Variants in TSPEAR observed in about 807,000 individuals in gnomAD.
TSPEAR encodes the protein thrombospondin-type laminin G domain and EAR repeat-containing protein.
In TSPEAR, 69 loss-of-function variants were observed where a neutral mutation model predicts 71.6. The observed-to-expected ratio is 0.96, with a 90% CI of 0.79 to 1.18. The LOEUF (loss-of-function observed/expected upper bound fraction) is 1.18, where lower values mean the gene tolerates loss of function less well. Among genes scored for constraint, TSPEAR ranks in the 50% most tolerant of loss-of-function variants. TSPEAR has a pLI of 0.00. For missense variants in TSPEAR, 971 were observed against 894.9 expected (o/e 1.09, Z -1.09); for synonymous variants, 402 against 387.2 (o/e 1.04, Z -0.45).
chr21:44,610,422 T>C (rs587636159), intron 1 of TSPEAR, among the ~76,000 whole-genome samples: 2 of 152,336 alleles, frequency 1.3e-5, no homozygotes, highest in South Asian at 2.1e-4. Flanking sequence ...CCCCAAGCCT[T>C]GGCAGCTTCC....
chr21:44,592,559 G>A, intron 1 of TSPEAR: 4 of 1,543,160 alleles, frequency 2.6e-6, no homozygotes, highest in South Asian at 1.3e-5. Flanking sequence ...TATTCCACCT[G>A]GCCTTGTTGT....
intron 9 of TSPEAR, chr21:44,516,373 C>A (rs1555913432): frequency 6.6e-6 from 1 of 152,368 alleles, no homozygotes; most frequent in African/African-American, 2.4e-5. Flanking sequence ...TGCTTAGGGT[C>A]TGTGGCAACT....
rs782313165 is a variant in TSPEAR at position 44,612,631 on chromosome 21, G to A, written c.83-44626C>T. ...TCTGCTGCAAGCCCATCTGCTGTGT[G>A]CCTGTCTGCTCTGGGGCTTCCTCTC... On this transcript the variant is annotated intron_variant, in intron 1 of 11. Coordinates refer to ENST00000323084, the MANE Select transcript of TSPEAR (RefSeq NM_144991.3). This position sits in a 1 kb window ranked among gnomAD's most constrained non-coding sequence, Gnocchi z 4.1. 4 of 1,613,810 alleles carry A rather than the reference G, an allele frequency of 2.5e-6. No individual in the cohort carries two copies. The highest frequency in any genetic ancestry group is 1.3e-5 in the African/African-American group (1 of 74,906).
intron 1 of TSPEAR, among the ~76,000 whole-genome samples, chr21:44,598,912 T>C (rs1426598353): frequency 6.6e-6 from 1 of 152,244 alleles, no homozygotes; most frequent in Non-Finnish European, 1.5e-5. Context: ...ATTTCACCTT[T>C]GAACAATGTT....
intron 1 of TSPEAR, among the ~76,000 whole-genome samples, chr21:44,672,397 C>G (rs1392392942): frequency 3.3e-5 from 5 of 152,018 alleles, no homozygotes; most frequent in Admixed American, 2.0e-4. Flanking sequence ...GGTGAAACCC[C>G]GTCTCTACTA....
intron 2 of TSPEAR, among the ~76,000 whole-genome samples, chr21:44,536,256 G>A (rs1391114848): frequency 6.6e-6 from 1 of 152,210 alleles, no homozygotes; most frequent in Non-Finnish European, 1.5e-5. Flanking sequence ...CTCCCTCGGC[G>A]TCCTCCGGCA....
intron 1 of TSPEAR, among the ~76,000 whole-genome samples, chr21:44,655,905 G>T (rs587649773): frequency 6.6e-6 from 1 of 152,250 alleles, no homozygotes; most frequent in African/African-American, 2.4e-5. Context: ...GGTGATTCCT[G>T]CCAAGAAGCC....
At chr21:44,693,659 T>A (rs1041916037) in intron 1 of TSPEAR, among the ~76,000 whole-genome samples, 7 of 140,216 alleles carry the variant, frequency 5.0e-5, no homozygotes, top group East Asian at 2.0e-4. Flanking sequence ...TTTTTTTTTT[T>A]AAAGGAAAAT....
intron 1 of TSPEAR, among the ~76,000 whole-genome samples, chr21:44,605,788 T>A (rs1358853426): frequency 6.6e-6 from 1 of 152,152 alleles, no homozygotes; most frequent in Non-Finnish European, 1.5e-5. Context: ...TTACATCATA[T>A]GCAAAAATCA....
chr21:44,695,713 G>A lies in TSPEAR; in HGVS notation c.82+15720C>T, dbSNP rs540238858. On this transcript the variant is annotated intron_variant, in intron 1 of 11. Coordinates refer to ENST00000323084, the MANE Select transcript of TSPEAR (RefSeq NM_144991.3). This position sits in a 1 kb window ranked among gnomAD's most constrained non-coding sequence, Gnocchi z 4.5. The stretch of plus-strand genomic sequence containing the variant: ...CCACGGATGACAGCTAACACTCCAC[G>A]CCAGGGTTCTCATCTCACCGCAGCG... Among the ~76,000 whole-genome samples, 32 of 152,236 alleles carry A rather than the reference G, an allele frequency of 2.1e-4. No homozygotes were observed. Among genetic ancestry groups the A allele is most frequent in the African/African-American group, 7.5e-4 (31 of 41,546 alleles).
Position 44,697,544 on chromosome 21 carries a change from T to C in TSPEAR, c.82+13889A>G, listed in dbSNP as rs782183631. The C allele has an allele frequency of 6.2e-6, 10 of 1,613,668 alleles. No homozygotes were observed. The Admixed American group carries it at 1.7e-4, about 27-fold the overall frequency. ...GCCCGTCTGCTGCAAGACTGTCTGC[T>C]GCAAGCCTGTGTGCTGTATGCCCGT... On this transcript the variant is annotated intron_variant, in intron 1 of 11. Coordinates refer to ENST00000323084, the MANE Select transcript of TSPEAR (RefSeq NM_144991.3).
rs781821217 is a variant in TSPEAR at position 44,533,688 on chromosome 21, T to A, written c.539A>T (p.Asp180Val). Residue 180 changes from aspartate (D) to valine (V), a missense_variant, in exon 3 of 12, where the codon GAC (aspartate) becomes GTC (valine). Coordinates refer to ENST00000323084, the MANE Select transcript of TSPEAR (RefSeq NM_144991.3). The part of the protein sequence containing the change: ...SLTTDCGLPV[D>V]IMADVPFPAT... ...CCCTCCCCGGGTGGGTACCTACATG[T>A]CCACCGGGAGGCCGCAGTCCGTGGT... is the stretch of plus-strand genomic sequence containing the variant. 9 of 1,606,114 alleles carry A rather than the reference T, an allele frequency of 5.6e-6. No homozygotes were observed. Among genetic ancestry groups the A allele is most frequent in the Middle Eastern group, 1.7e-4 (1 of 5,884 alleles).
At chr21:44,571,413 A>G (rs1449713940) in intron 1 of TSPEAR, among the ~76,000 whole-genome samples, 1 of 152,222 alleles carries the variant, frequency 6.6e-6, no homozygotes, top group African/African-American at 2.4e-5. Context: ...CACGATTCTT[A>G]GTGGGGAAAC....
intron 1 of TSPEAR, among the ~76,000 whole-genome samples, chr21:44,685,239 G>C (rs529664432): frequency 4.2e-4 from 64 of 152,094 alleles, no homozygotes; most frequent in Non-Finnish European, 7.4e-4. Flanking sequence ...CTGGGATGGA[G>C]GGAGTAGCTC....
intron 1 of TSPEAR, among the ~76,000 whole-genome samples, chr21:44,569,929 A>T (rs2053766696): frequency 6.6e-6 from 1 of 151,606 alleles, no homozygotes; most frequent in Non-Finnish European, 1.5e-5. Context: ...TGGGGATGAG[A>T]CTCCACATAC....
At chr21:44,580,431 G>A (rs1555924913) in intron 1 of TSPEAR, 4 of 1,613,120 alleles carry the variant, frequency 2.5e-6, no homozygotes, top group Non-Finnish European at 1.7e-6. Flanking sequence ...TGGCAGCAGG[G>A]GCTGGACACA....
intron 1 of TSPEAR, chr21:44,646,773 C>G (rs782425571): frequency 1.9e-6 from 3 of 1,613,580 alleles, no homozygotes; most frequent in Non-Finnish European, 2.5e-6. Flanking sequence ...CTGTCTGCTG[C>G]AAGACTGTCT....
chr21:44,641,074 C>G (rs1983996032), intron 1 of TSPEAR, among the ~76,000 whole-genome samples: 1 of 152,216 alleles, frequency 6.6e-6, no homozygotes, highest in African/African-American at 2.4e-5. Context: ...AGCATCAGCT[C>G]TGGATGCAGA....
rs376032550 is a variant in TSPEAR at position 44,505,659 on chromosome 21, C to T, written c.1755-778G>A. On this transcript the variant is annotated intron_variant, in intron 10 of 11. Transcript: ENST00000323084. ...TCTAGGGACCTCATATGAATGGAATCGCACGGTATTTGTCCTTTGTGTCTG... is the reference window on the plus strand; with the variant it reads ...TCTAGGGACCTCATATGAATGGAATTGCACGGTATTTGTCCTTTGTGTCTG... Among the ~76,000 whole-genome samples the T allele has an allele frequency of 2.6e-4, 39 of 147,908 alleles. No individual in the cohort carries two copies. In the South Asian group the frequency reaches 4.3e-3, roughly 16 times the overall value.
Sources: gnomAD v4.1 joint callset for allele counts (sites outside exome capture counted in the v4.1 genomes callset) on GRCh38, gnomAD v4.1.1 for gene constraint, Gnocchi (gnomAD v3.1) non-coding constraint, MANE v1.5 for transcripts, NCBI Gene and HGNC (gene_info 2026-07-23, HGNC 2026-07-21) for gene names.